Variants in PALM2AKAP2 observed in about 807,000 individuals in gnomAD.
PALM2AKAP2 encodes PALM2-AKAP2 fusion protein.
In PALM2AKAP2, 37 loss-of-function variants were observed where a neutral mutation model predicts 71.5. The observed-to-expected ratio is 0.52, with a 90% CI of 0.40 to 0.68. The LOEUF (loss-of-function observed/expected upper bound fraction) is 0.68, where lower values mean the gene tolerates loss of function less well. Ranked by LOEUF, PALM2AKAP2 falls within the 30% of genes least tolerant of loss-of-function variation. The pLI is 0.00. For synonymous variants in PALM2AKAP2, 468 were observed against 478.8 expected (o/e 0.98, Z 0.29); for missense variants, 1,224 against 1,191.8 (o/e 1.03, Z -0.40).
At chr9:109,992,807 T>C (rs1421457435) in intron 6 of PALM2AKAP2, among the ~76,000 whole-genome samples, 1 of 151,888 alleles carries the variant, frequency 6.6e-6, no homozygotes, top group Non-Finnish European at 1.5e-5. Context: ...AGTAAATGAC[T>C]CTACTAAATC....
chr9:109,992,976 G>C (rs1832513641), intron 6 of PALM2AKAP2, among the ~76,000 whole-genome samples: 1 of 150,452 alleles, frequency 6.6e-6, no homozygotes, highest in African/African-American at 2.4e-5. Flanking sequence ...GAGAGAGAGA[G>C]AGCAGAGAGA....
At chr9:109,942,596 A>G in intron 6 of PALM2AKAP2, 2 of 1,453,182 alleles carry the variant, frequency 1.4e-6, no homozygotes, top group Non-Finnish European at 9.2e-7. Context: ...GAAAGGGCAC[A>G]AAACCTTTTT....
intron 6 of PALM2AKAP2, among the ~76,000 whole-genome samples, chr9:109,940,767 G>A (rs1790064324): frequency 1.3e-5 from 2 of 152,146 alleles, no homozygotes; most frequent in Admixed American, 6.5e-5. Flanking sequence ...TGGCCACAAT[G>A]TGTAAAGAAT....
At chr9:109,748,446 A>T (rs1272729214) in intron 1 of PALM2AKAP2, among the ~76,000 whole-genome samples, 2 of 152,068 alleles carry the variant, frequency 1.3e-5, no homozygotes, top group Non-Finnish European at 2.9e-5. Context: ...TGTACAGAAG[A>T]GGAGTGAGAT....
chr9:110,113,756 C>G (rs1417601656), intron 1 of PALM2AKAP2, among the ~76,000 whole-genome samples: 3 of 152,134 alleles, frequency 2.0e-5, no homozygotes, highest in Admixed American at 6.5e-5. Flanking sequence ...TGGTCTCGAA[C>G]TTCTGACCTC....
chr9:109,640,858 C>G (rs1319975502), exon 1 of PALM2AKAP2: 25 of 1,518,358 alleles, frequency 1.6e-5, no homozygotes, highest in Non-Finnish European at 2.1e-5. Flanking sequence ...CGCGGAGCCC[C>G]GCGATGGAGT....
intron 5 of PALM2AKAP2, among the ~76,000 whole-genome samples, chr9:109,930,029 C>T (rs1480318312): frequency 1.3e-5 from 2 of 152,082 alleles, no homozygotes; most frequent in Non-Finnish European, 2.9e-5. Context: ...TCTCCCAGCC[C>T]ACCATCATCT....
chr9:109,832,701 A>T (rs1828336728), intron 1 of PALM2AKAP2, among the ~76,000 whole-genome samples: 1 of 152,230 alleles, frequency 6.6e-6, no homozygotes, highest in African/African-American at 2.4e-5. Context: ...TCTCAGCCAT[A>T]GTGCCAAAGA....
chr9:109,987,307 T>C (rs1000505299), intron 6 of PALM2AKAP2, among the ~76,000 whole-genome samples: 1 of 151,990 alleles, frequency 6.6e-6, no homozygotes, highest in African/African-American at 2.4e-5. Flanking sequence ...ATTTTTGTAT[T>C]TTTAGTAGAG....
At chr9:109,988,121 A>G (rs1832413238) in intron 6 of PALM2AKAP2, among the ~76,000 whole-genome samples, 1 of 152,236 alleles carries the variant, frequency 6.6e-6, no homozygotes, top group African/African-American at 2.4e-5. Context: ...AAACTGCTTT[A>G]TAGTACCAAT....
chr9:110,170,665 A>G (rs1409132287), exon 4 of PALM2AKAP2: 1 of 152,208 alleles, frequency 6.6e-6, no homozygotes, highest in African/African-American at 2.4e-5. Context: ...ACGCAAAACA[A>G]GTAAGATCCC....
At chr9:109,656,003 G>A (rs969313065) in intron 1 of PALM2AKAP2, among the ~76,000 whole-genome samples, 2 of 152,146 alleles carry the variant, frequency 1.3e-5, no homozygotes, top group African/African-American at 2.4e-5. Context: ...TAGAAGTTGA[G>A]GCTATTGAGG....
At chr9:109,897,633 G>T (rs942139123) in intron 3 of PALM2AKAP2, among the ~76,000 whole-genome samples, 1 of 152,106 alleles carries the variant, frequency 6.6e-6, no homozygotes, top group African/African-American at 2.4e-5. Flanking sequence ...TTATTATCAT[G>T]ACCCAAATGC....
chr9:109,907,078 CA>C (rs1259102802), intron 3 of PALM2AKAP2, among the ~76,000 whole-genome samples: 2 of 152,178 alleles, frequency 1.3e-5, no homozygotes, highest in African/African-American at 4.8e-5. Context: ...ATGCCTTGAT[CA>C]TTTTTCTCTT....
At chr9:109,644,770 C>G (rs1195983709) in intron 1 of PALM2AKAP2, among the ~76,000 whole-genome samples, 1 of 152,128 alleles carries the variant, frequency 6.6e-6, no homozygotes. Context: ...ATCTCTAGGG[C>G]AAGGGAAAAA....
At chr9:109,839,816 A>T (rs978776027) in intron 1 of PALM2AKAP2, among the ~76,000 whole-genome samples, 5 of 152,220 alleles carry the variant, frequency 3.3e-5, no homozygotes, top group African/African-American at 1.2e-4. Flanking sequence ...AGGGATGTGA[A>T]GGACCTCTTC....
intron 6 of PALM2AKAP2, among the ~76,000 whole-genome samples, chr9:109,963,675 C>T (rs1191995281): frequency 6.6e-6 from 1 of 152,324 alleles, no homozygotes; most frequent in Non-Finnish European, 1.5e-5. Context: ...GCCAAGGTGA[C>T]TTGCCTGCTC....
intron 1 of PALM2AKAP2, among the ~76,000 whole-genome samples, chr9:110,054,699 A>T (rs1833794663): frequency 6.6e-6 from 1 of 152,066 alleles, no homozygotes; most frequent in African/African-American, 2.4e-5. Flanking sequence ...CAGCCTCTTG[A>T]GTAGCTGGGA....
chr9:109,945,518 A>G (rs1485813266), intron 6 of PALM2AKAP2: 5 of 152,232 alleles, frequency 3.3e-5, no homozygotes, highest in South Asian at 2.1e-4. Flanking sequence ...GACATTACAT[A>G]AACTGGCATG....
Sources: allele counts gnomAD v4.1 joint callset (sites outside exome capture counted in the v4.1 genomes callset), GRCh38; gene constraint gnomAD v4.1.1; transcripts MANE v1.5; gene names NCBI Gene and HGNC (gene_info 2026-07-23, HGNC 2026-07-21).